Variants in ZNF804A observed in about 807,000 individuals in gnomAD.
ZNF804A encodes the protein zinc finger protein 804A.
In ZNF804A, 2 loss-of-function variants were observed where a neutral mutation model predicts 16.5. The observed-to-expected ratio is 0.12, with a 90% CI of 0.05 to 0.38. ZNF804A has a LOEUF of 0.38. ZNF804A is among the 10% of genes least tolerant of loss of function. The pLI is 0.99. For missense variants in ZNF804A, 1,473 were observed against 1,390.7 expected, an observed-to-expected ratio of 1.06 and a Z score of -0.94; for synonymous variants, 534 against 489.6, an observed-to-expected ratio of 1.09 and a Z score of -1.20.
At chr2:184,845,242 G>A (rs1417945459) in intron 1 of ZNF804A, among the ~76,000 whole-genome samples, 1 of 151,930 alleles carries the variant, frequency 6.6e-6, no homozygotes, top group African/African-American at 2.4e-5. Context: ...TCTTCAGACT[G>A]TTTTTTCCTT....
chr2:184,618,696 T>A (rs1291231951), intron 1 of ZNF804A, among the ~76,000 whole-genome samples: 1 of 152,076 alleles, frequency 6.6e-6, no homozygotes, highest in Non-Finnish European at 1.5e-5. Context: ...AAACCTTCTA[T>A]ATACTATTAA....
At chr2:184,639,283 A>G (rs1448347610) in intron 1 of ZNF804A, among the ~76,000 whole-genome samples, 1 of 151,890 alleles carries the variant, frequency 6.6e-6, no homozygotes, top group Non-Finnish European at 1.5e-5. Flanking sequence ...CATGTTGGTC[A>G]GGCTGGCCTC....
At chr2:184,843,802 A>T (rs1000420435) in intron 1 of ZNF804A, among the ~76,000 whole-genome samples, 1 of 151,802 alleles carries the variant, frequency 6.6e-6, no homozygotes, top group Non-Finnish European at 1.5e-5. Context: ...AGACAAAAAT[A>T]GTTAGTCTGG....
chr2:184,715,580 T>C (rs1343408584), intron 1 of ZNF804A, among the ~76,000 whole-genome samples: 1 of 151,976 alleles, frequency 6.6e-6, no homozygotes, highest in African/African-American at 2.4e-5. Context: ...TTTTTAATTC[T>C]GGTAGTGATG....
intron 1 of ZNF804A, among the ~76,000 whole-genome samples, chr2:184,839,841 A>T (rs543166075): frequency 6.6e-6 from 1 of 152,174 alleles, no homozygotes; most frequent in African/African-American, 2.4e-5. Context: ...TGATTAATTA[A>T]CATTTATCAG....
At chr2:184,757,309 G>C (rs1693973541) in intron 1 of ZNF804A, among the ~76,000 whole-genome samples, 1 of 151,890 alleles carries the variant, frequency 6.6e-6, no homozygotes, top group Non-Finnish European at 1.5e-5. Flanking sequence ...CTTGCACAAA[G>C]TCTGTATTTT....
chr2:184,724,467 TCA>T (rs1693371465), intron 1 of ZNF804A, among the ~76,000 whole-genome samples: 1 of 73,620 alleles, frequency 1.4e-5, no homozygotes, highest in Non-Finnish European at 2.5e-5. Context: ...AGGCAAAGAA[TCA>T]GAGAGTTCAG....
intron 1 of ZNF804A, among the ~76,000 whole-genome samples, chr2:184,701,508 A>C (rs1227327114): frequency 1.3e-5 from 2 of 151,884 alleles, no homozygotes; most frequent in African/African-American, 4.8e-5. Flanking sequence ...ATTAATATCT[A>C]GTTTGATTCA....
intron 1 of ZNF804A, among the ~76,000 whole-genome samples, chr2:184,834,128 TAAAA>T (rs1161788588): frequency 6.6e-6 from 1 of 152,124 alleles, no homozygotes; most frequent in African/African-American, 2.4e-5. Context: ...CATTATATTA[TAAAA>T]ATACTTTTTA....
intron 1 of ZNF804A, among the ~76,000 whole-genome samples, chr2:184,665,550 T>C (rs576665613): frequency 6.6e-6 from 1 of 152,220 alleles, no homozygotes; most frequent in African/African-American, 2.4e-5. Flanking sequence ...TATCTCACAG[T>C]TCTGTAGGTC....
chr2:184,798,355 T>G (rs1694670879), intron 1 of ZNF804A, among the ~76,000 whole-genome samples: 1 of 151,966 alleles, frequency 6.6e-6, no homozygotes, highest in African/African-American at 2.4e-5. Context: ...TAGATTTTTC[T>G]TCTTTTTCAG....
intron 1 of ZNF804A, among the ~76,000 whole-genome samples, chr2:184,657,781 A>C (rs2105704332): frequency 6.6e-6 from 1 of 152,296 alleles, no homozygotes; most frequent in South Asian, 2.1e-4. Context: ...GATTTTTATA[A>C]GCAATTGGAC....
chr2:184,847,494 GC>G lies in ZNF804A; in HGVS notation c.112-18874del, dbSNP rs757840302. Among the ~76,000 whole-genome samples, 13 of 152,150 alleles carry G rather than the reference GC, an allele frequency of 8.5e-5. No individual in the cohort carries two copies. The South Asian group carries it at 2.5e-3, about 29-fold the overall frequency. On this transcript the variant is annotated intron_variant, in intron 1 of 3. Transcript: ENST00000302277. Reference sequence around the variant, plus strand: ...ACATTTATAATGAGACAACAGCAAAGCTTTTTATCACCCAGAAACAGTCGCC... The same window carrying G: ...ACATTTATAATGAGACAACAGCAAAGTTTTTATCACCCAGAAACAGTCGCC...
chr2:184,920,988 C>T (rs867716506), intron 2 of ZNF804A, among the ~76,000 whole-genome samples: 5 of 152,122 alleles, frequency 3.3e-5, no homozygotes, highest in Admixed American at 6.6e-5. Context: ...ATTTGTTACA[C>T]CAAAATAGAA....
chr2:184,897,790 C>T (rs1685112071), intron 2 of ZNF804A, among the ~76,000 whole-genome samples: 1 of 152,096 alleles, frequency 6.6e-6, no homozygotes, highest in African/African-American at 2.4e-5. Flanking sequence ...CACCCCCATA[C>T]TTCCATCATT....
intron 1 of ZNF804A, among the ~76,000 whole-genome samples, chr2:184,661,591 A>G (rs1692177244): frequency 2.0e-5 from 3 of 152,188 alleles, no homozygotes; most frequent in Admixed American, 1.3e-4. Context: ...GTAGGCTTGG[A>G]AAAAGCACCA....
At chr2:184,729,151 TA>T (rs1313154023) in intron 1 of ZNF804A, among the ~76,000 whole-genome samples, 1 of 151,798 alleles carries the variant, frequency 6.6e-6, no homozygotes. Flanking sequence ...TTGTATATAC[TA>T]AAATTACCAA....
chr2:184,931,248 G>T (rs892382597), intron 2 of ZNF804A, among the ~76,000 whole-genome samples: 1 of 152,334 alleles, frequency 6.6e-6, no homozygotes, highest in Non-Finnish European at 1.5e-5. Context: ...ACTAAGCAGT[G>T]CCCAAGTGGG....
At chr2:184,935,345 C>A (rs939440897) in intron 3 of ZNF804A, among the ~76,000 whole-genome samples, 1 of 152,108 alleles carries the variant, frequency 6.6e-6, no homozygotes, top group Non-Finnish European at 1.5e-5. Context: ...GAATTCCCAG[C>A]TTTTCTGCAG....
Sources: gnomAD v4.1 joint callset for allele counts (sites outside exome capture counted in the v4.1 genomes callset) on GRCh38, gnomAD v4.1.1 for gene constraint, MANE v1.5 for transcripts, NCBI Gene and HGNC (gene_info 2026-07-23, HGNC 2026-07-21) for gene names.